The following DNAH8 variants were observed in gnomAD, a reference collection of about 807,000 sequenced individuals.
The protein encoded by DNAH8 is dynein axonemal heavy chain 8.
Under a neutral mutation model 562.1 loss-of-function variants are expected in DNAH8, and 382 were observed. The ratio of observed to expected loss-of-function variants is 0.68; its 90% CI spans 0.63 to 0.74. The LOEUF is 0.74. Among genes scored for constraint, DNAH8 ranks in the 30% least tolerant of loss-of-function variants. The pLI is 0.00. For missense variants in DNAH8, 5,203 were observed against 5,620.4 expected (o/e 0.93, Z 2.37); for synonymous variants, 1,881 against 1,919.4 (o/e 0.98, Z 0.52).
intron 91 of DNAH8, among the ~76,000 whole-genome samples, chr6:39,016,285 C>T (rs1450636184): frequency 1.3e-5 from 2 of 151,934 alleles, no homozygotes; most frequent in Non-Finnish European, 2.9e-5. Flanking sequence ...GGCGTGGTGG[C>T]TCACGCGTGT....
chr6:38,906,336 ATCTT>A lies in DNAH8; in HGVS notation c.9279_9282del (p.Phe3094LeufsTer5). On this transcript the variant is annotated frameshift_variant, in exon 63 of 93. Coordinates refer to ENST00000327475, the MANE Select transcript of DNAH8 (RefSeq NM_001206927.2). LOFTEE classifies it high-confidence loss of function. ...TGCTGATGGAAAAGGCATCACTTTC[ATCTT>A]TACTGACAGTGAAATAAAAGATGAG... 1 of 1,611,270 alleles carries A rather than the reference ATCTT, an allele frequency of 6.2e-7. No homozygotes were observed. The highest frequency in any genetic ancestry group is 8.5e-7 in the Non-Finnish European group (1 of 1,178,578).
intron 82 of DNAH8, among the ~76,000 whole-genome samples, chr6:38,958,305 G>A (rs989470686): frequency 2.7e-5 from 4 of 150,842 alleles, no homozygotes; most frequent in East Asian, 1.9e-4. Flanking sequence ...GCGCCCGGCC[G>A]ATAGAAATTT....
intron 40 of DNAH8, 36 bp from the exon 41 acceptor site, chr6:38,853,150 T>C (rs377403052): frequency 1.9e-6 from 3 of 1,550,916 alleles, no homozygotes; most frequent in East Asian, 2.3e-5. Context: ...TGCCAAATTA[T>C]TATCAATTTA....
intron 38 of DNAH8, among the ~76,000 whole-genome samples, chr6:38,851,065 TTTTTA>T (rs763330110): frequency 4.6e-5 from 7 of 152,142 alleles, no homozygotes; most frequent in African/African-American, 1.2e-4. Context: ...TCAAATATCA[TTTTTA>T]TTTTATTTTA....
chr6:38,796,621 A>G (rs994319110), intron 21 of DNAH8, among the ~76,000 whole-genome samples: 6 of 152,198 alleles, frequency 3.9e-5, no homozygotes, highest in African/African-American at 1.4e-4. Context: ...CATTGTATGG[A>G]AAAGCATTGT....
intron 58 of DNAH8, among the ~76,000 whole-genome samples, chr6:38,891,102 A>G (rs879332321): frequency 6.6e-6 from 1 of 152,204 alleles, no homozygotes; most frequent in Non-Finnish European, 1.5e-5. Flanking sequence ...ACTATGTCAG[A>G]CACTCAGATG....
intron 78 of DNAH8, 89 bp from the exon 79 acceptor site, chr6:38,938,703 CCGACGT>C (rs1783181329): frequency 1.3e-6 from 1 of 794,044 alleles, no homozygotes; most frequent in Admixed American, 2.7e-5. Context: ...CATAGGTTTA[CCGACGT>C]ACAAACCTTC....
At chr6:38,715,937 TATATA>T (rs1762264770) in intron 1 of DNAH8, among the ~76,000 whole-genome samples, 1 of 24,600 alleles carries the variant, frequency 4.1e-5, no homozygotes, top group African/African-American at 1.9e-4. Flanking sequence ...TATATATATA[TATATA>T]TATATATATA....
chr6:38,862,197 C>G (rs1157882412), intron 43 of DNAH8, 83 bp from the exon 44 acceptor site: 2 of 1,263,634 alleles, frequency 1.6e-6, no homozygotes, highest in Admixed American at 2.2e-5. Flanking sequence ...TAGGCCCATT[C>G]CAATCACATT....
chr6:38,869,783 G>A (rs1777325895), intron 48 of DNAH8, among the ~76,000 whole-genome samples: 1 of 152,202 alleles, frequency 6.6e-6, no homozygotes, highest in Non-Finnish European at 1.5e-5. Flanking sequence ...GAGAAGCAAA[G>A]ATTCATGTGA....
chr6:38,753,920 A>T (rs1382771473), intron 9 of DNAH8, among the ~76,000 whole-genome samples: 1 of 152,052 alleles, frequency 6.6e-6, no homozygotes, highest in Non-Finnish European at 1.5e-5. Flanking sequence ...ATTGCTTCCC[A>T]CTCATACACC....
chr6:38,738,507 A>G (rs1403071656), intron 7 of DNAH8, among the ~76,000 whole-genome samples: 2 of 152,204 alleles, frequency 1.3e-5, no homozygotes, highest in African/African-American at 2.4e-5. Context: ...GAGAGGCTCC[A>G]ACTTACACTA....
chr6:38,802,175 A>G (rs767523089), intron 21 of DNAH8, among the ~76,000 whole-genome samples: 1 of 152,026 alleles, frequency 6.6e-6, no homozygotes, highest in Non-Finnish European at 1.5e-5. Context: ...GGCTCAAGCA[A>G]TCCTCCATCC....
intron 82 of DNAH8, among the ~76,000 whole-genome samples, chr6:38,957,875 A>AG (rs1389846018): frequency 1.3e-5 from 2 of 151,174 alleles, no homozygotes; most frequent in Admixed American, 1.3e-4. Context: ...CCAAAAAAAA[A>AG]AAAAAAAAAA....
At position 38,783,098 on chromosome 6, in the gene DNAH8, A is replaced by G. The variant is rs202222826; in HGVS notation, c.2354A>G (p.Tyr785Cys). The G allele has an allele frequency of 6.4e-5, 104 of 1,613,948 alleles. No homozygotes were observed. Among genetic ancestry groups the G allele is most frequent in the Non-Finnish European group, 8.5e-5 (100 of 1,179,936 alleles). The change falls in exon 17 of 93, where the codon TAT becomes TGT. Residue 785 changes from tyrosine (Y) to cysteine (C), a missense_variant. Tyr to Cys is a radical substitution (Grantham distance 194). Around this residue, in one of 6 missense-constraint regions of DNAH8, gnomAD observed 2,176 missense variants for 2,365.1 expected, o/e 0.92. Transcript: ENST00000327475. ...SYVLVEFEVV[Y>C]HTAWIREISQ... ...GTGCTGGTGGAATTCGAGGTGGTCT[A>G]TCACACAGCCTGGATCAGAGAGATT...
At chr6:38,973,910 C>G (rs751768844) in intron 84 of DNAH8, 97 bp downstream of exon 84, 9 of 932,116 alleles carry the variant, frequency 9.7e-6, no homozygotes, top group Non-Finnish European at 1.4e-5. Flanking sequence ...CTTTTTGGTC[C>G]TGTAGGGTCT....
At position 38,834,598 on chromosome 6, in the gene DNAH8, A is replaced by G. The variant is rs567162400; in HGVS notation, c.4322A>G (p.Asn1441Ser). The G allele has an allele frequency of 1.1e-5, 18 of 1,604,902 alleles. No homozygotes were observed. The Admixed American group carries it at 3.1e-4, about 27-fold the overall frequency. Residue 1441 changes from asparagine to serine, a missense_variant, in exon 32 of 93, where the codon AAT (asparagine) becomes AGT (serine). Physicochemically the swap from Asn to Ser is conservative, Grantham distance 46. Around this residue, in one of 6 missense-constraint regions of DNAH8, gnomAD observed 2,176 missense variants for 2,365.1 expected, o/e 0.92. Coordinates refer to ENST00000327475, the MANE Select transcript of DNAH8 (RefSeq NM_001206927.2). Reference protein sequence around the residue: ...AYELEGPMVPNIPPQEASNRL... With the variant: ...AYELEGPMVPSIPPQEASNRL... ...TTACAGGAAGGACCTATGGTTCCAA[A>G]TATACCACCCCAAGAAGCTAGCAAC...
chr6:38,838,895 T>C (rs566069576), intron 33 of DNAH8, among the ~76,000 whole-genome samples: 2 of 152,200 alleles, frequency 1.3e-5, no homozygotes, highest in African/African-American at 4.8e-5. Context: ...AATACAGTGA[T>C]AGTATTAGCT....
At chr6:38,943,339 T>G (rs1027640461) in intron 79 of DNAH8, among the ~76,000 whole-genome samples, 1 of 152,244 alleles carries the variant, frequency 6.6e-6, no homozygotes, top group African/African-American at 2.4e-5. Context: ...ATGACTTTGT[T>G]TTTAATGTTT....
Sources: gnomAD v4.1 joint callset for allele counts (sites outside exome capture counted in the v4.1 genomes callset) on GRCh38, gnomAD v4.1.1 for gene constraint, gnomAD v4.1.1 regional missense constraint, MANE v1.5 for transcripts, NCBI Gene and HGNC (gene_info 2026-07-23, HGNC 2026-07-21) for gene names.